PHLDB2: variants seen among roughly 807,000 people sequenced by gnomAD.
PHLDB2 encodes the protein pleckstrin homology like domain family B member 2.
A neutral mutation model predicts 123.6 loss-of-function variants in PHLDB2; 71 were observed. That is an observed-to-expected ratio of 0.57 (90% CI 0.47 to 0.70). The LOEUF (loss-of-function observed/expected upper bound fraction) is 0.70. Among genes scored for constraint, PHLDB2 ranks in the 30% least tolerant of loss-of-function variants. PHLDB2 has a pLI of 0.00. For missense variants in PHLDB2, 1,446 were observed against 1,519.5 expected, an observed-to-expected ratio of 0.95 and a Z score of 0.80; for synonymous variants, 547 against 541.6, an observed-to-expected ratio of 1.01 and a Z score of -0.14.
intron 1 of PHLDB2, among the ~76,000 whole-genome samples, chr3:111,817,211 A>T (rs1292025088): frequency 2.0e-5 from 3 of 152,202 alleles, no homozygotes; most frequent in African/African-American, 7.2e-5. Flanking sequence ...TTCATGAGGG[A>T]TCCACCCACT....
chr3:111,951,835 C>A (rs2070736483), intron 10 of PHLDB2, among the ~76,000 whole-genome samples: 1 of 151,830 alleles, frequency 6.6e-6, no homozygotes, highest in Non-Finnish European at 1.5e-5. Flanking sequence ...GTGGTGATTT[C>A]TGAGATTTTG....
rs557733476 is a variant in PHLDB2, at chr3:111,748,309, C to T, written c.-49+15606C>T. On this transcript the variant is annotated intron_variant, in intron 1 of 17. Transcript: ENST00000393923. ...AAAGGTTCACTGGAAATTTGCATTA[C>T]TCAGTGAAGAATCAAATCCTAGCCA... 3.3e-5 allele frequency among the ~76,000 whole-genome samples: 5 copies of T among 152,268 alleles called. No homozygotes were observed. In the East Asian group the frequency reaches 9.7e-4, roughly 29 times the overall value.
intron 13 of PHLDB2, among the ~76,000 whole-genome samples, chr3:111,964,283 C>T (rs532960284): frequency 1.9e-4 from 25 of 132,324 alleles, no homozygotes; most frequent in Non-Finnish European, 3.2e-4. Context: ...AAATGTGTCT[C>T]ACCACACACA....
rs536349580 is a variant in PHLDB2, at chr3:111,960,877, TAATC to T, written c.2873-1227_2873-1224del. 7.9e-5 allele frequency among the ~76,000 whole-genome samples: 12 copies of T among 152,324 alleles called. No homozygotes were observed. In the East Asian group the frequency reaches 2.3e-3, roughly 29 times the overall value. On this transcript the variant is annotated intron_variant, in intron 12 of 17. Transcript: ENST00000431670. ...TTTTTTAATGAATGGAGGAATTTGT[TAATC>T]AATATGATGCCTGCTTCTGAGTCTA...
rs542977890 is a variant in PHLDB2 at position 111,881,987 on chromosome 3, A to G, written c.-14-2077A>G. Among the ~76,000 whole-genome samples the G allele has an allele frequency of 3.9e-5, 6 of 152,246 alleles. No homozygotes were observed. In the South Asian group the frequency reaches 1.2e-3, roughly 32 times the overall value. On this transcript the variant is annotated intron_variant, in intron 1 of 17. Coordinates refer to ENST00000431670, the MANE Select transcript of PHLDB2 (RefSeq NM_001134438.2). ...AAATATACCTGTGTGTGTATAATCC[A>G]TGTGTATGGGTGGGTGTTGTAAAAA... is the stretch of plus-strand genomic sequence containing the variant.
At chr3:111,742,643 T>C (rs949509982) in intron 1 of PHLDB2, among the ~76,000 whole-genome samples, 1 of 152,218 alleles carries the variant, frequency 6.6e-6, no homozygotes, top group African/African-American at 2.4e-5. Flanking sequence ...TATGAACTCG[T>C]CCTTTTTTAT....
chr3:111,857,150 G>A (rs536933560), upstream of PHLDB2, among the ~76,000 whole-genome samples: 1 of 152,050 alleles, frequency 6.6e-6, no homozygotes. Context: ...GGCTAAGTGA[G>A]TGATAAAGGG....
chr3:111,775,811 C>A (rs2060258526), intron 1 of PHLDB2, among the ~76,000 whole-genome samples: 1 of 151,832 alleles, frequency 6.6e-6, no homozygotes, highest in African/African-American at 2.4e-5. Context: ...ACCTGGGAAC[C>A]CATTGATATC....
At chr3:111,902,518 G>A (rs6785402) in intron 2 of PHLDB2, among the ~76,000 whole-genome samples, 72,103 of 152,044 alleles carry the variant, frequency 0.47, 17,671 homozygotes, top group East Asian at 0.65. Context: ...AATTAAATAT[G>A]TACTTAATTT....
intron 1 of PHLDB2, among the ~76,000 whole-genome samples, chr3:111,782,348 T>A (rs1296538397): frequency 6.6e-6 from 1 of 152,036 alleles, no homozygotes; most frequent in Non-Finnish European, 1.5e-5. Flanking sequence ...GTCTCATAGT[T>A]CAGTGCTCTC....
At chr3:111,751,612 T>C (rs1265568992) in intron 1 of PHLDB2, among the ~76,000 whole-genome samples, 1 of 145,942 alleles carries the variant, frequency 6.9e-6, no homozygotes, top group Non-Finnish European at 1.5e-5. Flanking sequence ...TAAAGTCAAT[T>C]GTGGATTGGG....
intron 2 of PHLDB2, among the ~76,000 whole-genome samples, chr3:111,901,472 C>T (rs2067200558): frequency 6.6e-6 from 1 of 151,320 alleles, no homozygotes; most frequent in African/African-American, 2.4e-5. Context: ...TTTTTACATG[C>T]AGACTTTCCT....
chr3:111,940,454 T>G (rs1343262383), intron 7 of PHLDB2, 81 bp from the exon 8 acceptor site: 5 of 716,312 alleles, frequency 7.0e-6, no homozygotes, highest in African/African-American at 5.5e-5. Context: ...GTGAAAATTT[T>G]TTTCTCCCTT....
At chr3:111,886,498 C>T (rs1411353583) in intron 2 of PHLDB2, among the ~76,000 whole-genome samples, 1 of 151,656 alleles carries the variant, frequency 6.6e-6, no homozygotes, top group Non-Finnish European at 1.5e-5. Context: ...TTATGTGTGG[C>T]CCAAGACAAT....
At chr3:111,903,447 G>T (rs2067315551) in intron 2 of PHLDB2, among the ~76,000 whole-genome samples, 1 of 152,190 alleles carries the variant, frequency 6.6e-6, no homozygotes. Flanking sequence ...GCAGAGGCAG[G>T]TGGACCACAG....
At chr3:111,847,114 A>T (rs143168252) in intron 2 of PHLDB2, among the ~76,000 whole-genome samples, 1 of 152,318 alleles carries the variant, frequency 6.6e-6, no homozygotes, top group African/African-American at 2.4e-5. Context: ...AACCTGGAGA[A>T]ACCAAATGAC....
At chr3:111,901,219 A>G (rs56856618) in intron 2 of PHLDB2, among the ~76,000 whole-genome samples, 26,367 of 151,682 alleles carry the variant, frequency 0.17, 2,401 homozygotes, top group Admixed American at 0.21. Flanking sequence ...AATTAGCCAG[A>G]CGTGGTGGCA....
At chr3:111,816,129 G>A (rs1466654092) in intron 1 of PHLDB2, among the ~76,000 whole-genome samples, 4 of 152,224 alleles carry the variant, frequency 2.6e-5, no homozygotes, top group Non-Finnish European at 4.4e-5. Flanking sequence ...TGCCCATGCA[G>A]AAGTTTGCTG....
At chr3:111,750,945 C>G (rs894363119) in intron 1 of PHLDB2, among the ~76,000 whole-genome samples, 1 of 89,352 alleles carries the variant, frequency 1.1e-5, no homozygotes, top group African/African-American at 8.3e-5. Flanking sequence ...GAAACTCTGT[C>G]TCAAAAAAAA....
Sources: allele counts gnomAD v4.1 joint callset (sites outside exome capture counted in the v4.1 genomes callset), GRCh38; gene constraint gnomAD v4.1.1; transcripts MANE v1.5; gene names NCBI Gene and HGNC (gene_info 2026-07-23, HGNC 2026-07-21).